FCHO2: variants seen among roughly 807,000 people sequenced by gnomAD.
FCHO2 encodes FCH and mu domain containing endocytic adaptor 2.
FCHO2 carries 43 observed loss-of-function variants against 114.1 expected under a neutral mutation model. The ratio of observed to expected loss-of-function variants is 0.38; its 90% confidence interval spans 0.30 to 0.49. FCHO2 has a LOEUF of 0.49. Among genes scored for constraint, FCHO2 ranks in the 20% least tolerant of loss-of-function variants. FCHO2 has a pLI of 0.97. For missense variants in FCHO2, 807 were observed against 950.4 expected (o/e 0.85, Z 1.98); for synonymous variants, 293 against 315.2 (o/e 0.93, Z 0.75).
chr5:73,020,983 T>G (rs1755593762), intron 8 of FCHO2: 7 of 1,596,394 alleles, frequency 4.4e-6, no homozygotes, highest in African/African-American at 1.3e-5. Flanking sequence ...TCCATTCACA[T>G]CTTTGCTCTT....
intron 11 of FCHO2, among the ~76,000 whole-genome samples, chr5:73,043,508 G>A (rs1478715243): frequency 1.3e-5 from 2 of 151,820 alleles, no homozygotes; most frequent in South Asian, 2.1e-4. Flanking sequence ...AGACACACTT[G>A]ATCAAGATTC....
intron 2 of FCHO2, among the ~76,000 whole-genome samples, chr5:72,978,737 C>A (rs1753017665): frequency 6.6e-6 from 1 of 152,112 alleles, no homozygotes; most frequent in Admixed American, 6.6e-5. Context: ...ATGATATTGG[C>A]TGTGGGTTTG....
At chr5:73,075,675 A>T (rs549582387) in intron 20 of FCHO2, among the ~76,000 whole-genome samples, 18 of 152,270 alleles carry the variant, frequency 1.2e-4, no homozygotes, top group Non-Finnish European at 1.5e-4. Flanking sequence ...GTCAGAATTG[A>T]TGCAGAGAGA....
intron 8 of FCHO2, among the ~76,000 whole-genome samples, chr5:73,022,918 G>A (rs1755705450): frequency 6.6e-6 from 1 of 152,072 alleles, no homozygotes; most frequent in African/African-American, 2.4e-5. Context: ...AACAGTCCAA[G>A]CCTATATCCA....
chr5:73,034,609 C>G (rs767478504), intron 8 of FCHO2, 48 bp from the exon 9 acceptor site: 1 of 1,450,866 alleles, frequency 6.9e-7, no homozygotes, highest in South Asian at 1.3e-5. Context: ...TTAAAATTTA[C>G]CTAATAGTTT....
chr5:73,057,294 T>G (rs1757642314), intron 16 of FCHO2, among the ~76,000 whole-genome samples: 1 of 152,138 alleles, frequency 6.6e-6, no homozygotes, highest in Non-Finnish European at 1.5e-5. Context: ...TTTGATACTT[T>G]TGAGGTACTA....
intron 1 of FCHO2, among the ~76,000 whole-genome samples, chr5:72,966,955 T>C (rs559964421): frequency 5.1e-4 from 77 of 152,274 alleles, no homozygotes; most frequent in African/African-American, 1.8e-3. Flanking sequence ...ACAGTAGAGG[T>C]TTTCCAGGAT....
At chr5:73,007,331 T>A (rs1421045167) in intron 6 of FCHO2, among the ~76,000 whole-genome samples, 1 of 152,368 alleles carries the variant, frequency 6.6e-6, no homozygotes, top group African/African-American at 2.4e-5. Flanking sequence ...CTTTTTGGAA[T>A]GTTCTTAGTT....
At chr5:73,052,630 A>G (rs1010836172) in intron 13 of FCHO2, 123 bp downstream of exon 13, 19 of 780,388 alleles carry the variant, frequency 2.4e-5, no homozygotes, top group Middle Eastern at 7.6e-4. Context: ...TTAGTTTATA[A>G]TTTTTATACA....
At chr5:73,019,713 G>A (rs1227809227) in intron 8 of FCHO2, among the ~76,000 whole-genome samples, 2 of 152,154 alleles carry the variant, frequency 1.3e-5, no homozygotes, top group Admixed American at 1.3e-4. Context: ...GTGTGAATGC[G>A]TGAGGCTTTA....
At chr5:72,994,137 G>A (rs1753952854) in intron 5 of FCHO2, among the ~76,000 whole-genome samples, 1 of 152,138 alleles carries the variant, frequency 6.6e-6, no homozygotes, top group South Asian at 2.1e-4. Context: ...TTGACAAATA[G>A]GATCTAATTA....
intron 20 of FCHO2, 53 bp from the exon 21 acceptor site, chr5:73,077,285 T>C: frequency 1.3e-6 from 2 of 1,510,514 alleles, no homozygotes; most frequent in Non-Finnish European, 1.8e-6. Flanking sequence ...CCAAATACTT[T>C]AAATAGAGAT....
In FCHO2 at chr5:73,035,961, G is replaced by A. The variant is rs146488571; in HGVS notation, c.842-1182G>A. Among the ~76,000 whole-genome samples, 281 of 152,040 alleles carry A rather than the reference G, an allele frequency of 1.8e-3. 3 individuals are homozygous for A. The highest frequency in any genetic ancestry group is 6.4e-3 in the African/African-American group (265 of 41,484). On this transcript the variant is annotated intron_variant, in intron 9 of 25. Coordinates refer to ENST00000430046, the MANE Select transcript of FCHO2 (RefSeq NM_138782.3). ...TGGTTCGGATGATTCTCCTCCCTTAGCCTCCCAAGTAGCCGGGATTACAGG... is the reference window on the plus strand; with the variant it reads ...TGGTTCGGATGATTCTCCTCCCTTAACCTCCCAAGTAGCCGGGATTACAGG...
At chr5:73,023,137 T>C (rs985880158) in intron 8 of FCHO2, among the ~76,000 whole-genome samples, 2 of 152,170 alleles carry the variant, frequency 1.3e-5, no homozygotes, top group East Asian at 3.9e-4. Flanking sequence ...GAAATATCTT[T>C]TGAACAGACA....
chr5:72,968,608 A>T lies in FCHO2; in HGVS notation c.125+19A>T. On this transcript the variant is annotated intron_variant, in intron 2 of 25. Coordinates refer to ENST00000430046, the MANE Select transcript of FCHO2 (RefSeq NM_138782.3). ...GGGAACGGTATGTATTTTTTAAATA[A>T]GTAATTTGTTTAACAACTTAATAGC... is the stretch of plus-strand genomic sequence containing the variant. The T allele has an allele frequency of 6.8e-7, 1 of 1,472,406 alleles. No individual in the cohort carries two copies. The highest frequency in any genetic ancestry group is 1.5e-5 in the African/African-American group (1 of 68,046). 91.2% of individuals were successfully genotyped at this position (1,472,406 alleles called of 1,614,324 possible).
chr5:73,035,661 C>A (rs111548486), intron 9 of FCHO2, among the ~76,000 whole-genome samples: 3 of 152,034 alleles, frequency 2.0e-5, no homozygotes, highest in African/African-American at 7.2e-5. Context: ...TGCCATCATG[C>A]CCAGCTAACT....
At chr5:73,004,445 A>G (rs1450589818) in intron 5 of FCHO2, among the ~76,000 whole-genome samples, 2 of 152,200 alleles carry the variant, frequency 1.3e-5, no homozygotes, top group East Asian at 3.8e-4. Flanking sequence ...CGCTAGGGAT[A>G]GGCAGCTCAA....
chr5:73,081,647 T>C, intron 22 of FCHO2, 136 bp from the exon 23 acceptor site: 1 of 546,274 alleles, frequency 1.8e-6, no homozygotes, highest in South Asian at 4.4e-5. Flanking sequence ...ATAGGTCTGC[T>C]TCACTCTGCC....
chr5:72,974,737 C>A (rs1580018824), intron 2 of FCHO2, among the ~76,000 whole-genome samples: 1 of 152,068 alleles, frequency 6.6e-6, no homozygotes, highest in East Asian at 1.9e-4. Context: ...TGAATTTGAT[C>A]CTGTCATTAT....
Sources: gnomAD v4.1 joint callset for allele counts (sites outside exome capture counted in the v4.1 genomes callset) on GRCh38, gnomAD v4.1.1 for gene constraint, MANE v1.5 for transcripts, NCBI Gene and HGNC (gene_info 2026-07-23, HGNC 2026-07-21) for gene names.